LYZL4: variants seen among roughly 807,000 people sequenced by gnomAD.
LYZL4 encodes the protein lysozyme-like protein 4.
Under a neutral mutation model 17.6 loss-of-function variants are expected in LYZL4, and 13 were observed. That is an observed-to-expected ratio of 0.74 (90% CI 0.48 to 1.18). The LOEUF is 1.18. Among genes scored for constraint, LYZL4 ranks in the 50% most tolerant of loss-of-function variants. The probability of loss-of-function intolerance (pLI) is 0.00; values close to 1 mark genes in which losing one functional copy is unlikely to be tolerated. For synonymous variants in LYZL4, 64 were observed against 67.7 expected, an observed-to-expected ratio of 0.95 and a Z score of 0.27; for missense variants, 174 against 188.2, an observed-to-expected ratio of 0.92 and a Z score of 0.44.
In LYZL4 at chr3:42,397,304, G is replaced by A. The variant is rs746889741; in HGVS notation, c.402C>T (p.Ser134=). 23 of 1,572,966 alleles carry A rather than the reference G, an allele frequency of 1.5e-5. No individual in the cohort carries two copies. Among genetic ancestry groups the A allele is most frequent in the South Asian group, 3.5e-5 (3 of 85,238 alleles). The part of the protein sequence containing the change: ...WPTWSRYCQY[S]DTLARWLDGC... ...CATCCAGCCACCGTGCCAGGGTATC[G>A]GAGTACTGGCAGTACCGGGACCAGG... Residue 134 remains serine (S), a synonymous_variant, in exon 5 of 5, where the codon TCC becomes TCT. Coordinates refer to ENST00000287748, the MANE Select transcript of LYZL4 (RefSeq NM_144634.4).
At chr3:42,376,546 T>C in the LYZL4 span, among the ~76,000 whole-genome samples, 1 of 152,244 alleles carries the variant, frequency 6.6e-6, no homozygotes, top group African/African-American at 2.4e-5. Context: ...GGTTGTTTAT[T>C]CAAGCATCCA....
chr3:42,388,714 G>A, the LYZL4 span, among the ~76,000 whole-genome samples: 9 of 152,356 alleles, frequency 5.9e-5, no homozygotes, highest in African/African-American at 2.2e-4. Flanking sequence ...TTTTTAATGA[G>A]TGTCTGCATA....
intron 3 of LYZL4, among the ~76,000 whole-genome samples, chr3:42,405,816 C>T (rs1309805353): frequency 1.3e-5 from 2 of 152,146 alleles, no homozygotes; most frequent in Non-Finnish European, 2.9e-5. Context: ...CTTACCCTCT[C>T]TGGGCCTCAG....
At chr3:42,405,633 G>A (rs1698735444) in intron 3 of LYZL4, among the ~76,000 whole-genome samples, 1 of 152,120 alleles carries the variant, frequency 6.6e-6, no homozygotes, top group East Asian at 1.9e-4. Context: ...CGTGGAAAGA[G>A]GTTTGCTCAT....
chr3:42,401,352 A>T (rs1419567821), intron 4 of LYZL4, among the ~76,000 whole-genome samples: 1 of 152,058 alleles, frequency 6.6e-6, no homozygotes, highest in African/African-American at 2.4e-5. Context: ...CTGGGATTAC[A>T]GACACATGCC....
the LYZL4 span, among the ~76,000 whole-genome samples, chr3:42,379,555 C>A: frequency 6.6e-6 from 1 of 152,150 alleles, no homozygotes; most frequent in Non-Finnish European, 1.5e-5. Flanking sequence ...TTATTAGAAG[C>A]CCTCATGTTA....
chr3:42,393,831 G>T (rs952726223), downstream of LYZL4, among the ~76,000 whole-genome samples: 3 of 152,210 alleles, frequency 2.0e-5, no homozygotes, highest in East Asian at 3.9e-4. Context: ...TTGCTCTGTC[G>T]CTCAGGCTGG....
chr3:42,409,615 T>C (rs1315796569), intron 1 of LYZL4, among the ~76,000 whole-genome samples: 2 of 152,178 alleles, frequency 1.3e-5, no homozygotes. Context: ...GCCTCTCATC[T>C]TTTCTGCCAT....
chr3:42,379,399 C>T, the LYZL4 span, among the ~76,000 whole-genome samples: 1 of 152,218 alleles, frequency 6.6e-6, no homozygotes, highest in Non-Finnish European at 1.5e-5. Context: ...CACAATGTAA[C>T]TTCCACTGTA....
intron 1 of LYZL4, among the ~76,000 whole-genome samples, chr3:42,408,387 G>T (rs1419713404): frequency 6.6e-6 from 1 of 152,152 alleles, no homozygotes; most frequent in Non-Finnish European, 1.5e-5. Flanking sequence ...CCAGGGAGCT[G>T]TGCCCTCATG....
chr3:42,409,860 C>T (rs763911306), intron 1 of LYZL4, among the ~76,000 whole-genome samples: 2 of 152,198 alleles, frequency 1.3e-5, no homozygotes, highest in Non-Finnish European at 2.9e-5. Flanking sequence ...CCACTGAGCA[C>T]CTCTCCAGTC....
the LYZL4 span, among the ~76,000 whole-genome samples, chr3:42,377,625 CTGTGTGTGTGTGTGTGTGTGTG>C: frequency 7.0e-6 from 1 of 143,684 alleles, no homozygotes; most frequent in Admixed American, 6.9e-5. Context: ...GCATGACTCT[CTGTGTGTGTGTGTGTGTGTGTG>C]TGTGTGTGTG....
intron 4 of LYZL4, among the ~76,000 whole-genome samples, chr3:42,399,529 A>G (rs190282557): frequency 6.6e-6 from 1 of 152,314 alleles, no homozygotes; most frequent in African/African-American, 2.4e-5. Context: ...TTAAGTAGTG[A>G]TAATGCCAAG....
Position 42,397,451 on chromosome 3 carries a change from C to T in LYZL4, c.372-117G>A, listed in dbSNP as rs566009344. On this transcript the variant is annotated intron_variant, in intron 4 of 4. Transcript: ENST00000287748. ...CTGCCCCTTGGAGCCTTTGAGTTTT[C>T]CACCTCTGCCGTGGGCACGATTCTG... is the stretch of plus-strand genomic sequence containing the variant. 208 of 677,032 alleles carry T rather than the reference C, an allele frequency of 3.1e-4. 2 individuals are homozygous for T. The South Asian group carries it at 3.6e-3, about 12-fold the overall frequency. The allele number at this position is 677,032 out of a possible 1,614,324, so 41.9% of individuals were successfully genotyped here.
intron 4 of LYZL4, among the ~76,000 whole-genome samples, chr3:42,398,222 T>G (rs1481216773): frequency 6.6e-6 from 1 of 152,170 alleles, no homozygotes; most frequent in East Asian, 1.9e-4. Context: ...GTCTTCTCCC[T>G]TCCTGTCTGC....
In LYZL4 at chr3:42,407,262, C is replaced by T. The variant is rs932714263; in HGVS notation, c.-11G>A. 5 of 1,614,010 alleles carry T rather than the reference C, an allele frequency of 3.1e-6. No homozygotes were observed. Among genetic ancestry groups the T allele is most frequent in the Middle Eastern group, 1.7e-4 (1 of 5,998 alleles). On this transcript the variant is annotated 5_prime_UTR_variant, in exon 2 of 5. Transcript: ENST00000287748. ...CACGGATGCCTTCATCTTCTCCAGGCTCCTGGCAGGTCAGGGCAACGGTGG... is the reference window on the plus strand; with the variant it reads ...CACGGATGCCTTCATCTTCTCCAGGTTCCTGGCAGGTCAGGGCAACGGTGG...
At chr3:42,394,828 G>A (rs536213147), downstream of LYZL4, among the ~76,000 whole-genome samples, 1 of 152,340 alleles carries the variant, frequency 6.6e-6, no homozygotes, top group East Asian at 1.9e-4. Context: ...CAATGGGCTG[G>A]AAAGAGGCGG....
the LYZL4 span, among the ~76,000 whole-genome samples, chr3:42,380,207 T>C: frequency 3.3e-5 from 5 of 152,238 alleles, no homozygotes; most frequent in Non-Finnish European, 1.5e-5. Context: ...ATTCATCACC[T>C]ATGGCTAGGG....
chr3:42,405,752 T>A (rs1329781000), intron 3 of LYZL4, among the ~76,000 whole-genome samples: 1 of 152,076 alleles, frequency 6.6e-6, no homozygotes, highest in African/African-American at 2.4e-5. Flanking sequence ...GCCGCACTGC[T>A]TAGGTTTCCC....
Sources: allele counts gnomAD v4.1 joint callset (sites outside exome capture counted in the v4.1 genomes callset), GRCh38; gene constraint gnomAD v4.1.1; transcripts MANE v1.5; gene names NCBI Gene and HGNC (gene_info 2026-07-23, HGNC 2026-07-21).